RUFY1: variants seen among roughly 807,000 people sequenced by gnomAD.
RUFY1 encodes the protein RUN and FYVE domain-containing protein 1.
RUFY1 carries 54 observed loss-of-function variants against 94.6 expected under a neutral mutation model. The observed-to-expected ratio is 0.57, with a 90% confidence interval of 0.46 to 0.72. The LOEUF (loss-of-function observed/expected upper bound fraction) is 0.72. Among genes scored for constraint, RUFY1 ranks in the 30% least tolerant of loss-of-function variants. RUFY1 has a pLI of 0.00. For synonymous variants in RUFY1, 396 were observed against 347.3 expected (o/e 1.14, Z -1.56); for missense variants, 883 against 883.9 (o/e 1.00, Z 0.01).
chr5:179,570,130 G>A lies in RUFY1; in HGVS notation c.828+705G>A, dbSNP rs544072864. Among the ~76,000 whole-genome samples the A allele has an allele frequency of 5.5e-4, 83 of 151,998 alleles. 1 individual carries two copies. The highest frequency in any genetic ancestry group is 9.2e-4 in the Admixed American group (14 of 15,250). On this transcript the variant is annotated intron_variant, in intron 5 of 17. Transcript: ENST00000319449. The stretch of plus-strand genomic sequence containing the variant: ...CCTGACCTCGTGATCCACCCGCCTC[G>A]GCCTCCCAAAGTGCTGGGATTACAG...
chr5:179,598,927 C>T (rs564646180), intron 14 of RUFY1, 106 bp downstream of exon 14: 166 of 1,329,510 alleles, frequency 1.2e-4, no homozygotes, highest in African/African-American at 1.1e-3. Context: ...GGGGGCCAGG[C>T]GGCTCCAGGG....
At chr5:179,595,712 C>T (rs955168047) in intron 12 of RUFY1, among the ~76,000 whole-genome samples, 1 of 151,958 alleles carries the variant, frequency 6.6e-6, no homozygotes. Flanking sequence ...CCACCATGCC[C>T]GGCTAATTTT....
intron 15 of RUFY1, chr5:179,602,237 A>G: frequency 2.1e-6 from 1 of 469,286 alleles, no homozygotes; most frequent in East Asian, 3.4e-5. Flanking sequence ...TGACCAGGAC[A>G]CTCCTATTCC....
intron 13 of RUFY1, among the ~76,000 whole-genome samples, chr5:179,597,357 T>G (rs920703482): frequency 2.0e-5 from 3 of 152,138 alleles, no homozygotes; most frequent in Non-Finnish European, 4.4e-5. Context: ...TGCCTCAGCC[T>G]CCCGAGCAGC....
At position 179,591,691 on chromosome 5, in the gene RUFY1, A is replaced by G; in HGVS notation, c.1195A>G (p.Met399Val). ...GCAAACTCGGCAAGGTCTGGATGAA[A>G]TGTACAGTGATGTGTGGAAGCAGCT... ...YKQTRQGLDEMYSDVWKQLKE... is the reference protein window; with the variant it reads ...YKQTRQGLDEVYSDVWKQLKE... Residue 399 changes from methionine (M) to valine (V), a missense_variant, in exon 10 of 18, where the codon ATG becomes GTG. Physicochemically the swap from Met to Val is conservative, Grantham distance 21 (BLOSUM62 1). Transcript: ENST00000319449. The G allele has an allele frequency of 6.2e-7, 1 of 1,613,054 alleles. No homozygotes were observed. Among genetic ancestry groups the G allele is most frequent in the African/African-American group, 1.3e-5 (1 of 74,968 alleles).
At chr5:179,592,173 G>A (rs1157378651) in intron 10 of RUFY1, among the ~76,000 whole-genome samples, 1 of 151,974 alleles carries the variant, frequency 6.6e-6, no homozygotes, top group Admixed American at 6.6e-5. Context: ...AGGCTAGAGT[G>A]CAGTGGTGTG....
At chr5:179,604,622 C>G (rs1357725637) in intron 15 of RUFY1, among the ~76,000 whole-genome samples, 1 of 152,148 alleles carries the variant, frequency 6.6e-6, no homozygotes, top group Non-Finnish European at 1.5e-5. Context: ...TCCCAGAGAC[C>G]TGCCATTTTG....
intron 4 of RUFY1, 55 bp from the exon 5 acceptor site, chr5:179,569,247 G>T: frequency 6.2e-7 from 1 of 1,612,170 alleles, no homozygotes; most frequent in Middle Eastern, 1.7e-4. Flanking sequence ...TGGGGAAGGA[G>T]TGGGGATGGT....
chr5:179,596,729 C>G, intron 13 of RUFY1, 48 bp downstream of exon 13: 1 of 1,220,898 alleles, frequency 8.2e-7, no homozygotes, highest in Non-Finnish European at 1.0e-6. Flanking sequence ...TCAGGAGGGA[C>G]TGGGAAGAAC....
Position 179,591,623 on chromosome 5 carries a change from A to G in RUFY1, c.1129-2A>G. ...TCCTCTTGGTGTCCTTGTTTGATAC[A>G]GATAACAAAACAGGATACCAAAGTT... is the stretch of plus-strand genomic sequence containing the variant. On this transcript the variant is annotated splice_acceptor_variant, in intron 9 of 17. Coordinates refer to ENST00000319449, the MANE Select transcript of RUFY1 (RefSeq NM_025158.5). LOFTEE classifies it high-confidence loss of function. 6.3e-7 allele frequency: 1 copy of G among 1,593,698 alleles called. No homozygotes were observed. The highest frequency in any genetic ancestry group is 8.6e-7 in the Non-Finnish European group (1 of 1,164,300).
At position 179,591,672 on chromosome 5, in the gene RUFY1, T is replaced by G; in HGVS notation, c.1176T>G (p.Thr392=). 1 of 1,613,420 alleles carries G rather than the reference T, an allele frequency of 6.2e-7. No individual in the cohort carries two copies. ...TTGAGCTGGAGACTTACAAGCAAAC[T>G]CGGCAAGGTCTGGATGAAATGTACA... is the stretch of plus-strand genomic sequence containing the variant. ...TKVELETYKQ[T]RQGLDEMYSD... The change falls in exon 10 of 18, where the codon ACT becomes ACG. Residue 392 remains threonine, a synonymous_variant. Transcript: ENST00000319449.
chr5:179,564,458 C>G (rs1581436951), intron 3 of RUFY1, among the ~76,000 whole-genome samples: 1 of 144,412 alleles, frequency 6.9e-6, no homozygotes, highest in Non-Finnish European at 1.5e-5. Context: ...GTCTCTCTGT[C>G]GCCTAGGCTG....
At chr5:179,586,659 G>A (rs780592204) in intron 8 of RUFY1, among the ~76,000 whole-genome samples, 3 of 152,148 alleles carry the variant, frequency 2.0e-5, no homozygotes, top group African/African-American at 4.8e-5. Flanking sequence ...CTCCTGAGGC[G>A]CCAGCCCTGA....
rs1387980208 is a variant in RUFY1, at chr5:179,550,610, GGGAGCTGGAGCC to G, written c.56_67del (p.Glu19_Pro22del). The G allele has an allele frequency of 9.9e-5, 130 of 1,317,230 alleles. 1 individual carries two copies. The highest frequency in any genetic ancestry group is 3.1e-4 in the Admixed American group (9 of 28,766). 81.6% of individuals were successfully genotyped at this position (1,317,230 alleles called of 1,614,324 possible). ...GGCGGCTGCGCTGCTGGGCGGGGGC[GGGAGCTGGAGCC>G]GGAGCTGGAGCCGGGGCCGGGGCCC... On this transcript the variant is annotated inframe_deletion, in exon 1 of 18. Coordinates refer to ENST00000319449, the MANE Select transcript of RUFY1 (RefSeq NM_025158.5).
chr5:179,556,244 A>C (rs1008026442), intron 1 of RUFY1, among the ~76,000 whole-genome samples: 2 of 152,148 alleles, frequency 1.3e-5, no homozygotes, highest in African/African-American at 4.8e-5. Context: ...TTGAACTTGG[A>C]TTTCCATTCC....
Position 179,591,642 on chromosome 5 carries a change from C to T in RUFY1, c.1146C>T (p.Thr382=). The T allele has an allele frequency of 6.2e-7, 1 of 1,611,316 alleles. No homozygotes were observed. The highest frequency in any genetic ancestry group is 8.5e-7 in the Non-Finnish European group (1 of 1,178,596). The part of the protein sequence containing the change: ...EKSVEITKQD[T]KVELETYKQT... Reference sequence around the variant, plus strand: ...TGATACAGATAACAAAACAGGATACCAAAGTTGAGCTGGAGACTTACAAGC... The same window carrying T: ...TGATACAGATAACAAAACAGGATACTAAAGTTGAGCTGGAGACTTACAAGC... The change falls in exon 10 of 18, where the codon ACC becomes ACT. Residue 382 remains threonine, a synonymous_variant. Transcript: ENST00000319449.
At chr5:179,605,076 C>G (rs1463604077) in intron 15 of RUFY1, among the ~76,000 whole-genome samples, 2 of 151,994 alleles carry the variant, frequency 1.3e-5, no homozygotes, top group East Asian at 1.9e-4. Flanking sequence ...GTCAGGAGTT[C>G]AAGACCAGCC....
At chr5:179,588,430 C>T (rs1272578040) in intron 8 of RUFY1, among the ~76,000 whole-genome samples, 1 of 152,168 alleles carries the variant, frequency 6.6e-6, no homozygotes, top group East Asian at 1.9e-4. Flanking sequence ...TGCCTTGCCT[C>T]TTGTGACAGC....
chr5:179,560,619 G>C (rs1210497618), intron 2 of RUFY1, among the ~76,000 whole-genome samples: 5 of 150,714 alleles, frequency 3.3e-5, no homozygotes, highest in Non-Finnish European at 7.4e-5. Flanking sequence ...CCAGCTACTC[G>C]GGAGGCTGAG....
Sources: gnomAD v4.1 joint callset for allele counts (sites outside exome capture counted in the v4.1 genomes callset) on GRCh38, gnomAD v4.1.1 for gene constraint, MANE v1.5 for transcripts, NCBI Gene and HGNC (gene_info 2026-07-23, HGNC 2026-07-21) for gene names.